GREB1L: variants seen among roughly 807,000 people sequenced by gnomAD.
GREB1L encodes the protein GREB1-like protein.
In GREB1L, 17 loss-of-function variants were observed where a neutral mutation model predicts 200.8. The observed-to-expected ratio is 0.08, with a 90% CI of 0.06 to 0.13. The LOEUF is 0.13. GREB1L is among the 10% of genes least tolerant of loss of function. The pLI is 1.00. For synonymous variants in GREB1L, 789 were observed against 893.0 expected (o/e 0.88, Z 2.08); for missense variants, 1,657 against 2,367.7 (o/e 0.70, Z 6.23).
At chr18:21,509,803 C>T (rs1482979330) in intron 27 of GREB1L, among the ~76,000 whole-genome samples, 1 of 152,038 alleles carries the variant, frequency 6.6e-6, no homozygotes, top group Non-Finnish European at 1.5e-5. Flanking sequence ...CTATTTAGTA[C>T]TAGTTTTGCC....
In GREB1L at chr18:21,443,310, C is replaced by T. The variant is rs557908605; in HGVS notation, c.1208-914C>T. On this transcript the variant is annotated intron_variant, in intron 10 of 32. Coordinates refer to ENST00000424526, the MANE Select transcript of GREB1L (RefSeq NM_001142966.3). The stretch of plus-strand genomic sequence containing the variant: ...CTCTGCCTCCTGGGTTCAAGCGATT[C>T]TCCTGCCTCAGCCTCCCATGTAGTT... Among the ~76,000 whole-genome samples the T allele has an allele frequency of 1.8e-3, 268 of 152,184 alleles. 1 individual carries two copies. The highest frequency in any genetic ancestry group is 2.0e-3 in the Non-Finnish European group (139 of 68,012).
In GREB1L at chr18:21,461,997, G is replaced by C. The variant is rs551408959; in HGVS notation, c.2182+7434G>C. On this transcript the variant is annotated intron_variant, in intron 15 of 32. Coordinates refer to ENST00000424526, the MANE Select transcript of GREB1L (RefSeq NM_001142966.3). ...AAGGTTATTAATCTAAACCTTTAGGGAACACGGTGACTCCCAACCACCACT... is the reference window on the plus strand; with the variant it reads ...AAGGTTATTAATCTAAACCTTTAGGCAACACGGTGACTCCCAACCACCACT... Among the ~76,000 whole-genome samples, 4 of 152,296 alleles carry C rather than the reference G, an allele frequency of 2.6e-5. No homozygotes were observed. In the South Asian group the frequency reaches 8.3e-4, roughly 32 times the overall value.
chr18:21,349,625 C>T (rs1203648634), intron 1 of GREB1L, among the ~76,000 whole-genome samples: 1 of 152,048 alleles, frequency 6.6e-6, no homozygotes, highest in Admixed American at 6.6e-5. Flanking sequence ...ATTAGATTCT[C>T]GTAGGCTCCC....
chr18:21,375,805 G>T (rs963640743), intron 2 of GREB1L, among the ~76,000 whole-genome samples: 5 of 152,076 alleles, frequency 3.3e-5, no homozygotes, highest in Non-Finnish European at 5.9e-5. Context: ...TCGGCACTTA[G>T]TAAGCTCTCC....
chr18:21,486,574 C>T (rs1598913856), intron 18 of GREB1L, among the ~76,000 whole-genome samples: 1 of 152,084 alleles, frequency 6.6e-6, no homozygotes, highest in African/African-American at 2.4e-5. Flanking sequence ...CTTGGGGCTC[C>T]TCCTCCAGTC....
At chr18:21,339,767 A>G (rs1277367951) in intron 1 of GREB1L, among the ~76,000 whole-genome samples, 1 of 152,250 alleles carries the variant, frequency 6.6e-6, no homozygotes, top group Non-Finnish European at 1.5e-5. Context: ...ACCTCTCTCA[A>G]CCTTAGACTA....
intron 1 of GREB1L, among the ~76,000 whole-genome samples, chr18:21,319,713 G>A (rs2038923674): frequency 6.6e-6 from 1 of 152,340 alleles, no homozygotes; most frequent in Non-Finnish European, 1.5e-5. Flanking sequence ...GTAAACCAGG[G>A]CATGGGTAGA....
chr18:21,405,805 GA>G (rs544983179), intron 7 of GREB1L, among the ~76,000 whole-genome samples: 19 of 151,274 alleles, frequency 1.3e-4, no homozygotes, highest in Non-Finnish European at 2.5e-4. Context: ...TGTCGCAAAA[GA>G]AAAAAAACTA....
chr18:21,349,793 G>A (rs1284802901), intron 1 of GREB1L, among the ~76,000 whole-genome samples: 3 of 151,978 alleles, frequency 2.0e-5, no homozygotes, highest in African/African-American at 7.3e-5. Flanking sequence ...CTATATTATG[G>A]TGCATTGTAT....
Position 21,439,537 on chromosome 18 carries a change from C to T in GREB1L, c.849C>T (p.Asn283=). 1.3e-6 allele frequency: 2 copies of T among 1,547,502 alleles called. No individual in the cohort carries two copies. Among genetic ancestry groups the T allele is most frequent in the Non-Finnish European group, 1.7e-6 (2 of 1,142,998 alleles). ...GFTQTDAANG[N]SSHGGKGSAS... ...GTTCTACAGATGCTGCTAATGGAAA[C>T]AGTAGCCATGGAGGGAAGGGCAGTG... is the stretch of plus-strand genomic sequence containing the variant. Residue 283 remains asparagine, a synonymous_variant, in exon 8 of 33, where the codon AAC becomes AAT. Coordinates refer to ENST00000424526, the MANE Select transcript of GREB1L (RefSeq NM_001142966.3).
intron 7 of GREB1L, among the ~76,000 whole-genome samples, chr18:21,422,785 G>A (rs8086471): frequency 0.015 from 2,339 of 152,116 alleles, 61 homozygotes; most frequent in African/African-American, 0.052. Context: ...CAGGATTGCT[G>A]GATCAAACAT....
At position 21,243,592 on chromosome 18, in the gene GREB1L, T is replaced by G. The variant is rs150998191; in HGVS notation, c.-120+1199T>G. On this transcript the variant is annotated intron_variant, in intron 1 of 32. Transcript: ENST00000424526. ...GCTTTCCCACAAAAGGTTTTTGAAC[T>G]CAGTCCCCCTTAATAAAACCTCTCA... 7.7e-3 allele frequency among the ~76,000 whole-genome samples: 1,169 copies of G among 152,356 alleles called. 14 individuals are homozygous for G. The highest frequency in any genetic ancestry group is 0.026 in the African/African-American group (1,097 of 41,588).
intron 1 of GREB1L, among the ~76,000 whole-genome samples, chr18:21,351,572 TA>T (rs577407216): frequency 4.5e-3 from 619 of 138,178 alleles, no homozygotes; most frequent in Middle Eastern, 0.011. Flanking sequence ...GACTTTGTCT[TA>T]AAAAAAAAAA....
chr18:21,359,959 G>A (rs2039559023), intron 1 of GREB1L, among the ~76,000 whole-genome samples: 1 of 152,102 alleles, frequency 6.6e-6, no homozygotes. Context: ...AAAGTAATTT[G>A]GTAGGAGGGT....
At chr18:21,406,518 C>G (rs570877860) in intron 7 of GREB1L, among the ~76,000 whole-genome samples, 5 of 152,206 alleles carry the variant, frequency 3.3e-5, no homozygotes, top group African/African-American at 1.2e-4. Flanking sequence ...TGTTTATAGA[C>G]TTTTCAATAA....
intron 13 of GREB1L, 29 bp from the exon 14 acceptor site, chr18:21,452,054 G>A: frequency 1.3e-6 from 2 of 1,549,174 alleles, no homozygotes; most frequent in Non-Finnish European, 1.7e-6. Context: ...ATCCTTCCTT[G>A]TAACCTTCTT....
intron 18 of GREB1L, among the ~76,000 whole-genome samples, chr18:21,488,877 G>A (rs535532404): frequency 2.9e-4 from 44 of 152,214 alleles, no homozygotes; most frequent in Middle Eastern, 3.4e-3. Context: ...GGCTGGTCTC[G>A]AACTCCTGAT....
At chr18:21,405,716 G>T (rs769065010) in intron 7 of GREB1L, among the ~76,000 whole-genome samples, 1 of 152,140 alleles carries the variant, frequency 6.6e-6, no homozygotes, top group Non-Finnish European at 1.5e-5. Flanking sequence ...CACGAGAATT[G>T]CTTGTACCCA....
At position 21,473,095 on chromosome 18, in the gene GREB1L, T is replaced by C; in HGVS notation, c.2247T>C (p.Val749=). 1 of 1,551,064 alleles carries C rather than the reference T, an allele frequency of 6.4e-7. No homozygotes were observed. Among genetic ancestry groups the C allele is most frequent in the Non-Finnish European group, 8.7e-7 (1 of 1,146,636 alleles). ...GTAHQRAEKY[V]VRLDNEIQTK... is the part of the protein sequence containing the mutation. ...CCCATCAGAGAGCAGAAAAATATGT[T>C]GTTCGTCTAGACAATGAGATTCAAA... Residue 749 remains valine (V), a synonymous_variant, in exon 16 of 33, where the codon GTT becomes GTC. Coordinates refer to ENST00000424526, the MANE Select transcript of GREB1L (RefSeq NM_001142966.3).
Sources: gnomAD v4.1 joint callset for allele counts (sites outside exome capture counted in the v4.1 genomes callset) on GRCh38, gnomAD v4.1.1 for gene constraint, MANE v1.5 for transcripts, NCBI Gene and HGNC (gene_info 2026-07-23, HGNC 2026-07-21) for gene names.